L3MBTL3: variants seen among roughly 807,000 people sequenced by gnomAD.
The protein encoded by L3MBTL3 is L3MBTL histone methyl-lysine binding protein 3.
L3MBTL3 carries 27 observed loss-of-function variants against 102.3 expected under a neutral mutation model. The observed-to-expected ratio is 0.26, with a 90% confidence interval of 0.19 to 0.36. The LOEUF (loss-of-function observed/expected upper bound fraction) is 0.36. Ranked by LOEUF, L3MBTL3 falls within the 10% of genes least tolerant of loss-of-function variation. The pLI is 1.00. For missense variants in L3MBTL3, 798 were observed against 955.3 expected (o/e 0.84, Z 2.17); for synonymous variants, 340 against 320.9 (o/e 1.06, Z -0.64).
chr6:130,092,840 T>C lies in L3MBTL3; in HGVS notation c.1614T>C (p.His538=), dbSNP rs1784142277. 6.2e-7 allele frequency: 1 copy of C among 1,605,146 alleles called. No individual in the cohort carries two copies. Among genetic ancestry groups the C allele is most frequent in the Admixed American group, 1.7e-5 (1 of 59,932 alleles). The change falls in exon 17 of 23, where the codon CAT becomes CAC. Residue 538 remains histidine (H), a synonymous_variant. Coordinates refer to ENST00000361794, the MANE Select transcript of L3MBTL3 (RefSeq NM_032438.4). ...HPVGWCSKTG[H]PLQPPLSPLE... ...TAGGCTGGTGTTCAAAAACAGGACA[T>C]CCCCTTCAGCCTCCTTTGAGTAAGA... is the stretch of plus-strand genomic sequence containing the variant.
At chr6:130,033,472 A>T (rs907397487) in intron 2 of L3MBTL3, among the ~76,000 whole-genome samples, 4 of 152,168 alleles carry the variant, frequency 2.6e-5, no homozygotes, top group African/African-American at 9.7e-5. Flanking sequence ...GGCTTTTCTC[A>T]TTGCTGTCTT....
At chr6:130,068,530 GTAAA>G in intron 12 of L3MBTL3, 109 bp downstream of exon 12, 1 of 607,668 alleles carries the variant, frequency 1.6e-6, no homozygotes, top group South Asian at 2.2e-5. Context: ...TATCGCCTTG[GTAAA>G]TAGAGTACTC....
At position 130,081,808 on chromosome 6, in the gene L3MBTL3, A is replaced by AC. The variant is rs549733241; in HGVS notation, c.1322-1808dup. On this transcript the variant is annotated intron_variant, in intron 14 of 22. Coordinates refer to ENST00000361794, the MANE Select transcript of L3MBTL3 (RefSeq NM_032438.4). ...CAAGAACAGTGCAAAACTCACCTAT[A>AC]CCCCTGACTCAGAGACCCAGTCAAG... 7.2e-5 allele frequency among the ~76,000 whole-genome samples: 11 copies of AC among 152,058 alleles called. No homozygotes were observed. In the South Asian group the frequency reaches 2.3e-3, roughly 32 times the overall value.
intron 18 of L3MBTL3, among the ~76,000 whole-genome samples, chr6:130,103,608 A>T (rs539812480): frequency 6.6e-6 from 1 of 152,346 alleles, no homozygotes; most frequent in East Asian, 1.9e-4. Context: ...GAGAGGCAAG[A>T]TAGGCAGTTA....
chr6:130,127,655 C>T (rs1233074480), intron 20 of L3MBTL3, among the ~76,000 whole-genome samples: 2 of 152,122 alleles, frequency 1.3e-5, no homozygotes, highest in Admixed American at 1.3e-4. Context: ...CAAAGATCCA[C>T]AAACTTATTT....
chr6:130,095,652 A>G (rs1445337650), intron 18 of L3MBTL3, among the ~76,000 whole-genome samples: 1 of 152,214 alleles, frequency 6.6e-6, no homozygotes, highest in Non-Finnish European at 1.5e-5. Context: ...AGAATACCAC[A>G]GACTGGGTAA....
Position 130,087,148 on chromosome 6 carries a change from ATCTC to A in L3MBTL3, c.1518+900_1518+903del, listed in dbSNP as rs921108265. ...TTTTAAAAAAATTACATTCTCAACT[ATCTC>A]TAATAAGATAGTGTATAATAAAATA... On this transcript the variant is annotated intron_variant, in intron 16 of 22. Coordinates refer to ENST00000361794, the MANE Select transcript of L3MBTL3 (RefSeq NM_032438.4). Among the ~76,000 whole-genome samples the A allele has an allele frequency of 1.9e-3, 283 of 152,244 alleles. 2 individuals carry two copies. The highest frequency in any genetic ancestry group is 6.3e-3 in the African/African-American group (262 of 41,560).
intron 19 of L3MBTL3, among the ~76,000 whole-genome samples, chr6:130,117,009 A>G (rs1462962006): frequency 3.5e-5 from 5 of 143,908 alleles, no homozygotes; most frequent in African/African-American, 1.3e-4. Flanking sequence ...TTTAGGGTAC[A>G]TGTGCACATT....
chr6:130,109,970 CTTGT>C (rs1785247407), intron 19 of L3MBTL3, among the ~76,000 whole-genome samples: 1 of 152,116 alleles, frequency 6.6e-6, no homozygotes, highest in Admixed American at 6.5e-5. Context: ...TTCCCGCTTG[CTTGT>C]TTTTGTTAGG....
Position 130,092,141 on chromosome 6 carries a change from A to C in L3MBTL3, c.1519-604A>C, listed in dbSNP as rs192127747. Among the ~76,000 whole-genome samples, 30 of 152,310 alleles carry C rather than the reference A, an allele frequency of 2.0e-4. No homozygotes were observed. The East Asian group carries it at 5.4e-3, about 27-fold the overall frequency. ...TCAGAAATGTATACCCATAATAATTAAAAATAAAACAATAATAGAACACAT... is the reference window on the plus strand; with the variant it reads ...TCAGAAATGTATACCCATAATAATTCAAAATAAAACAATAATAGAACACAT... On this transcript the variant is annotated intron_variant, in intron 16 of 22. Transcript: ENST00000361794.
chr6:130,128,362 G>T (rs1384424357), intron 20 of L3MBTL3, among the ~76,000 whole-genome samples: 2 of 152,120 alleles, frequency 1.3e-5, no homozygotes, highest in South Asian at 2.1e-4. Flanking sequence ...GCTCTGCCTT[G>T]CAGAGCACGT....
Position 130,047,106 on chromosome 6 carries a change from A to AT in L3MBTL3, c.103-2167dup, listed in dbSNP as rs202197571. The stretch of plus-strand genomic sequence containing the variant: ...ACTTTGATAAGAGCAGGTATTCTTT[A>AT]TTTTTTTTTCAGGCTTATAGTATGC... On this transcript the variant is annotated intron_variant, in intron 3 of 22. Transcript: ENST00000361794. Among the ~76,000 whole-genome samples the AT allele has an allele frequency of 3.8e-3, 570 of 151,378 alleles. 3 individuals carry two copies. Among genetic ancestry groups the AT allele is most frequent in the African/African-American group, 0.013 (518 of 41,242 alleles).
chr6:130,104,179 C>T (rs1374442300), intron 18 of L3MBTL3, among the ~76,000 whole-genome samples: 2 of 151,840 alleles, frequency 1.3e-5, no homozygotes, highest in Non-Finnish European at 2.9e-5. Context: ...GACTCTTGCT[C>T]AGTTCTGAAG....
intron 9 of L3MBTL3, among the ~76,000 whole-genome samples, chr6:130,059,184 C>T (rs1322915997): frequency 6.6e-6 from 1 of 151,936 alleles, no homozygotes; most frequent in Non-Finnish European, 1.5e-5. Context: ...TATAGCCCTG[C>T]CCCCCCAGGC....
chr6:130,083,252 A>C (rs1254067257), intron 14 of L3MBTL3, among the ~76,000 whole-genome samples: 1 of 152,128 alleles, frequency 6.6e-6, no homozygotes, highest in Non-Finnish European at 1.5e-5. Context: ...AAGGTCATTT[A>C]ACTTACTTAA....
chr6:130,034,997 C>G (rs1779963469), intron 2 of L3MBTL3, among the ~76,000 whole-genome samples: 1 of 152,106 alleles, frequency 6.6e-6, no homozygotes, highest in Non-Finnish European at 1.5e-5. Context: ...GTTAAGTTAC[C>G]AGAGAGCTTT....
intron 20 of L3MBTL3, among the ~76,000 whole-genome samples, chr6:130,123,854 A>G (rs984187753): frequency 6.6e-6 from 1 of 152,132 alleles, no homozygotes; most frequent in Non-Finnish European, 1.5e-5. Context: ...TTTCTCAGTG[A>G]CACTGGGGAC....
rs780590065 is a variant in L3MBTL3, at chr6:130,120,977, A to G, written c.1966+19A>G. On this transcript the variant is annotated intron_variant, in intron 20 of 22. Coordinates refer to ENST00000361794, the MANE Select transcript of L3MBTL3 (RefSeq NM_032438.4). ...GCCAGAGGTAGCCATAATAATTCTC[A>G]TATTACTAATGTGTATTACTGCTAA... is the stretch of plus-strand genomic sequence containing the variant. 3 of 1,483,374 alleles carry G rather than the reference A, an allele frequency of 2.0e-6. No homozygotes were observed. Among genetic ancestry groups the G allele is most frequent in the African/African-American group, 1.4e-5 (1 of 72,146 alleles). 91.9% of individuals were successfully genotyped at this position (1,483,374 alleles called of 1,614,324 possible).
chr6:130,139,786 G>A lies in L3MBTL3; in HGVS notation c.*33G>A, dbSNP rs1170006931. 1 of 1,602,510 alleles carries A rather than the reference G, an allele frequency of 6.2e-7. No homozygotes were observed. Among genetic ancestry groups the A allele is most frequent in the Non-Finnish European group, 8.5e-7 (1 of 1,173,204 alleles). The stretch of plus-strand genomic sequence containing the variant: ...GAATTCTGAATACCATCAGCATTCT[G>A]CTTTAAAGCTCATGTTTTATTCAAA... On this transcript the variant is annotated 3_prime_UTR_variant, in exon 23 of 23. Transcript: ENST00000361794.
Sources: gnomAD v4.1 joint callset for allele counts (sites outside exome capture counted in the v4.1 genomes callset) on GRCh38, gnomAD v4.1.1 for gene constraint, MANE v1.5 for transcripts, NCBI Gene and HGNC (gene_info 2026-07-23, HGNC 2026-07-21) for gene names.